RAB3B: variants seen among roughly 807,000 people sequenced by gnomAD.
RAB3B encodes the protein RAB3B, member RAS oncogene family.
A neutral mutation model predicts 20.5 loss-of-function variants in RAB3B; 11 were observed. The ratio of observed to expected loss-of-function variants is 0.54; its 90% CI spans 0.34 to 0.89. The LOEUF (loss-of-function observed/expected upper bound fraction) is 0.89. Among genes scored for constraint, RAB3B ranks in the 40% least tolerant of loss-of-function variants. The pLI is 0.02. For synonymous variants in RAB3B, 99 were observed against 106.3 expected (o/e 0.93, Z 0.42); for missense variants, 225 against 280.9 (o/e 0.80, Z 1.42).
chr1:51,977,049 A>G lies in RAB3B; in HGVS notation c.69T>C (p.Phe23=). 6.2e-7 allele frequency: 1 copy of G among 1,614,234 alleles called. No homozygotes were observed. Among genetic ancestry groups the G allele is most frequent in the Non-Finnish European group, 8.5e-7 (1 of 1,180,040 alleles). Residue 23 remains phenylalanine (F), a synonymous_variant, in exon 2 of 5, where the codon TTT becomes TTC. Coordinates refer to ENST00000371655, the MANE Select transcript of RAB3B (RefSeq NM_002867.4). Reference sequence around the variant, plus strand: ...TGCTGTTGCCAATGATAAGCAGTTTAAACATGTAGTCAAAATTCTGGTCAG... The same window carrying G: ...TGCTGTTGCCAATGATAAGCAGTTTGAACATGTAGTCAAAATTCTGGTCAG... ...DASDQNFDYM[F]KLLIIGNSSV...
chr1:51,985,605 T>C (rs1406216338), intron 1 of RAB3B, among the ~76,000 whole-genome samples: 1 of 152,198 alleles, frequency 6.6e-6, no homozygotes, highest in East Asian at 1.9e-4. Context: ...TTAAATTCTA[T>C]GCCTCAGTGT....
In RAB3B at chr1:51,937,191, G is replaced by A. The variant is rs962586222; in HGVS notation, c.347+103C>T. On this transcript the variant is annotated intron_variant, in intron 3 of 4. Transcript: ENST00000371655. ...GTAAACTCCTGAGGCCAGTAACCAT[G>A]TCTGATTCATCTGGGCTTCCCCAGC... The A allele has an allele frequency of 1.2e-5, 10 of 855,002 alleles. No homozygotes were observed. The African/African-American group carries it at 1.7e-4, about 15-fold the overall frequency. 53.0% of individuals were successfully genotyped at this position (855,002 alleles called of 1,614,324 possible).
At chr1:51,980,224 T>G (rs1319925475) in intron 1 of RAB3B, among the ~76,000 whole-genome samples, 1 of 150,398 alleles carries the variant, frequency 6.6e-6, no homozygotes, top group East Asian at 2.0e-4. Context: ...AGGCCAGGAG[T>G]TCAAGACCAG....
chr1:51,975,101 C>T (rs1323349291), intron 2 of RAB3B, among the ~76,000 whole-genome samples: 1 of 152,132 alleles, frequency 6.6e-6, no homozygotes, highest in Non-Finnish European at 1.5e-5. Flanking sequence ...ATAATTGAAG[C>T]TACTTGGGGG....
chr1:51,989,103 G>GCACGCACACA (rs1553232366), intron 1 of RAB3B, among the ~76,000 whole-genome samples: 3 of 132,676 alleles, frequency 2.3e-5, no homozygotes, highest in Non-Finnish European at 3.2e-5. Flanking sequence ...CTGTGCGCGC[G>GCACGCACACA]CACACACACA....
chr1:51,921,104 G>A (rs760322840), intron 4 of RAB3B, among the ~76,000 whole-genome samples: 1 of 152,168 alleles, frequency 6.6e-6, no homozygotes, highest in Non-Finnish European at 1.5e-5. Context: ...TTCCACCCAA[G>A]GAATCTTGGT....
chr1:51,944,075 G>C (rs1205078591), intron 2 of RAB3B, among the ~76,000 whole-genome samples: 1 of 152,178 alleles, frequency 6.6e-6, no homozygotes, highest in Non-Finnish European at 1.5e-5. Context: ...TTAAAGAACA[G>C]GCTGACTTTC....
At chr1:51,942,814 T>C (rs1184588763) in intron 2 of RAB3B, among the ~76,000 whole-genome samples, 1 of 152,242 alleles carries the variant, frequency 6.6e-6, no homozygotes. Context: ...CAGTATGTGC[T>C]CACTTCATGT....
rs184487252 is a variant in RAB3B, at chr1:51,933,732, C to T, written c.348-290G>A. ...GGCACCTTGATCTTGGACTTCCTAG[C>T]TCCAGAACTGTGAGAAAGAAATGTC... On this transcript the variant is annotated intron_variant, in intron 3 of 4. Transcript: ENST00000371655. Among the ~76,000 whole-genome samples, 12 of 152,258 alleles carry T rather than the reference C, an allele frequency of 7.9e-5. No homozygotes were observed. In the East Asian group the frequency reaches 2.3e-3, roughly 29 times the overall value.
At chr1:51,964,577 T>C (rs530009594) in intron 2 of RAB3B, among the ~76,000 whole-genome samples, 45 of 152,164 alleles carry the variant, frequency 3.0e-4, no homozygotes, top group African/African-American at 9.9e-4. Flanking sequence ...CAACTTAGCA[T>C]AACCAAACTG....
intron 2 of RAB3B, among the ~76,000 whole-genome samples, chr1:51,969,547 A>G (rs1351446349): frequency 1.3e-5 from 2 of 152,126 alleles, no homozygotes; most frequent in Non-Finnish European, 2.9e-5. Context: ...CTCCAGAGTA[A>G]AGTATGAGCA....
rs1248115889 is a variant in RAB3B, at chr1:51,912,270, C to A, written c.*7657G>T. ...ACCTCAGCCTCCCAAGTAGCTGGGA[C>A]TATAGGTGCAGGCTACTTTGCCCAG... is the stretch of plus-strand genomic sequence containing the variant. On this transcript the variant is annotated 3_prime_UTR_variant, in exon 5 of 5. Coordinates refer to ENST00000371655, the MANE Select transcript of RAB3B (RefSeq NM_002867.4). 6.6e-6 allele frequency: 1 copy of A among 150,928 alleles called. No individual in the cohort carries two copies. The highest frequency in any genetic ancestry group is 2.4e-5 in the African/African-American group (1 of 41,084). 9.3% of individuals were successfully genotyped at this position (150,928 alleles called of 1,614,324 possible). A position where few individuals can be genotyped will look rare whatever the true frequency, so the allele number is the denominator to read the frequency against.
intron 4 of RAB3B, among the ~76,000 whole-genome samples, chr1:51,926,575 G>A (rs1356673440): frequency 6.6e-6 from 1 of 152,182 alleles, no homozygotes; most frequent in Non-Finnish European, 1.5e-5. Context: ...TAGCTGGTAT[G>A]TAATGAGTGA....
At chr1:51,971,465 C>T (rs1159384290) in intron 2 of RAB3B, among the ~76,000 whole-genome samples, 7 of 149,888 alleles carry the variant, frequency 4.7e-5, no homozygotes, top group Non-Finnish European at 8.9e-5. Context: ...TGGAGTCTCG[C>T]TCTGTCGCCT....
At position 51,977,967 on chromosome 1, in the gene RAB3B, A is replaced by ATC. The variant is rs574726599; in HGVS notation, c.1-852_1-851dup. On this transcript the variant is annotated intron_variant, in intron 1 of 4. Transcript: ENST00000371655. ...CTTCACCAACCTGTGCTTCCCTTAG[A>ATC]TCTAATTACACACTTTATGCCAAAT... 3.8e-3 allele frequency among the ~76,000 whole-genome samples: 576 copies of ATC among 152,222 alleles called. 6 individuals carry two copies. Among genetic ancestry groups the ATC allele is most frequent in the African/African-American group, 0.013 (552 of 41,516 alleles).
chr1:51,953,756 G>A (rs1481903739), intron 2 of RAB3B, among the ~76,000 whole-genome samples: 4 of 152,180 alleles, frequency 2.6e-5, no homozygotes, highest in African/African-American at 4.8e-5. Flanking sequence ...AGCCAAGGTC[G>A]TGCCACTGCA....
At chr1:51,981,382 T>C (rs997398182) in intron 1 of RAB3B, among the ~76,000 whole-genome samples, 7 of 152,170 alleles carry the variant, frequency 4.6e-5, no homozygotes, top group Non-Finnish European at 7.4e-5. Flanking sequence ...ACCTAAAGGT[T>C]TACACTGAAA....
At chr1:51,981,976 T>C (rs1305371541) in intron 1 of RAB3B, among the ~76,000 whole-genome samples, 3 of 152,194 alleles carry the variant, frequency 2.0e-5, no homozygotes, top group Admixed American at 6.5e-5. Flanking sequence ...TAGAGTGTAC[T>C]TTTTCTATTT....
intron 4 of RAB3B, among the ~76,000 whole-genome samples, chr1:51,924,068 G>C (rs1487200798): frequency 1.3e-5 from 2 of 152,136 alleles, no homozygotes; most frequent in African/African-American, 4.8e-5. Context: ...CCACCTGGAA[G>C]AGTAGGTGCT....
Sources: allele counts gnomAD v4.1 joint callset (sites outside exome capture counted in the v4.1 genomes callset), GRCh38; gene constraint gnomAD v4.1.1; transcripts MANE v1.5; gene names NCBI Gene and HGNC (gene_info 2026-07-23, HGNC 2026-07-21).